Variants in CACNA2D1 observed in about 807,000 individuals in gnomAD.
CACNA2D1 encodes voltage-dependent calcium channel subunit alpha-2/delta-1.
A neutral mutation model predicts 171.5 loss-of-function variants in CACNA2D1; 53 were observed. That is an observed-to-expected ratio of 0.31 (90% CI 0.25 to 0.39). CACNA2D1 has a LOEUF of 0.39. Among genes scored for constraint, CACNA2D1 ranks in the 10% least tolerant of loss-of-function variants. The probability of loss-of-function intolerance (pLI) is 1.00; values close to 1 mark genes in which losing one functional copy is unlikely to be tolerated. For missense variants in CACNA2D1, 903 were observed against 1,299.8 expected (o/e 0.69, Z 4.69); for synonymous variants, 442 against 443.1 (o/e 1.00, Z 0.03).
chr7:82,275,534 T>A (rs1261001057), intron 3 of CACNA2D1, among the ~76,000 whole-genome samples: 1 of 151,976 alleles, frequency 6.6e-6, no homozygotes, highest in African/African-American at 2.4e-5. Context: ...CTGGAAGGGG[T>A]CTTTCTGCAG....
intron 1 of CACNA2D1, among the ~76,000 whole-genome samples, chr7:82,391,919 T>C (rs1825167257): frequency 6.6e-6 from 1 of 152,220 alleles, no homozygotes; most frequent in African/African-American, 2.4e-5. Flanking sequence ...TCCTATTTCA[T>C]TAAATATTCC....
chr7:82,359,642 A>G (rs1820859601), intron 1 of CACNA2D1, among the ~76,000 whole-genome samples: 1 of 148,252 alleles, frequency 6.7e-6, no homozygotes, highest in Admixed American at 7.0e-5. Flanking sequence ...CTTCTGGCCA[A>G]TTCAAGTCCT....
chr7:82,009,935 C>T (rs1231256548), intron 15 of CACNA2D1, among the ~76,000 whole-genome samples: 1 of 152,042 alleles, frequency 6.6e-6, no homozygotes, highest in Non-Finnish European at 1.5e-5. Flanking sequence ...AAAATGAACT[C>T]TCCACAATAT....
At chr7:82,015,894 G>A (rs747657973) in intron 12 of CACNA2D1, among the ~76,000 whole-genome samples, 28 of 152,262 alleles carry the variant, frequency 1.8e-4, no homozygotes, top group Non-Finnish European at 3.4e-4. Flanking sequence ...CATCAGGGAT[G>A]TTGCTATTTC....
intron 19 of CACNA2D1, 100 bp downstream of exon 19, chr7:81,997,079 G>C: frequency 1.3e-6 from 1 of 790,252 alleles, no homozygotes. Context: ...GTATCAAACA[G>C]ACAAGCTAAC....
intron 6 of CACNA2D1, among the ~76,000 whole-genome samples, chr7:82,100,146 TTG>T (rs967961861): frequency 6.6e-6 from 1 of 152,120 alleles, no homozygotes; most frequent in Non-Finnish European, 1.5e-5. Flanking sequence ...ATATAATTTT[TTG>T]TGTGTGTGTG....
chr7:82,342,099 A>G (rs1453710219), intron 2 of CACNA2D1, among the ~76,000 whole-genome samples: 2 of 148,960 alleles, frequency 1.3e-5, no homozygotes, highest in Admixed American at 6.7e-5. Flanking sequence ...GATTCTCTGC[A>G]TCTTCACTCT....
chr7:82,231,296 T>C (rs1336155435), intron 3 of CACNA2D1, among the ~76,000 whole-genome samples: 1 of 152,170 alleles, frequency 6.6e-6, no homozygotes, highest in African/African-American at 2.4e-5. Context: ...AACCCCAAGG[T>C]GGGATGGAGA....
chr7:82,193,673 G>T (rs1267227544), intron 3 of CACNA2D1, among the ~76,000 whole-genome samples: 4 of 151,878 alleles, frequency 2.6e-5, no homozygotes, highest in African/African-American at 9.7e-5. Flanking sequence ...ACAATGTTTC[G>T]CAGGTTTGCT....
intron 7 of CACNA2D1, among the ~76,000 whole-genome samples, chr7:82,077,615 G>A (rs917176844): frequency 1.3e-5 from 2 of 152,104 alleles, no homozygotes; most frequent in Non-Finnish European, 2.9e-5. Flanking sequence ...TCAACTGGTA[G>A]CTAGTAAGAG....
chr7:82,095,535 G>A (rs1380954872), intron 6 of CACNA2D1, among the ~76,000 whole-genome samples: 2 of 152,108 alleles, frequency 1.3e-5, no homozygotes, highest in Non-Finnish European at 2.9e-5. Context: ...CTAGTTTTCA[G>A]GAATGAGGTG....
chr7:82,427,292 C>G (rs6975647), intron 1 of CACNA2D1, among the ~76,000 whole-genome samples: 75,540 of 151,980 alleles, frequency 0.5, 19,084 homozygotes, highest in Admixed American at 0.62. Flanking sequence ...GGAAAATAAA[C>G]TTTTCAGGAG....
chr7:82,274,011 C>A (rs1808987097), intron 3 of CACNA2D1, among the ~76,000 whole-genome samples: 1 of 152,036 alleles, frequency 6.6e-6, no homozygotes, highest in Non-Finnish European at 1.5e-5. Context: ...TCTAGAAGAC[C>A]ATATGTCATT....
chr7:82,111,378 A>G (rs1228494751), intron 6 of CACNA2D1, among the ~76,000 whole-genome samples: 1 of 90,152 alleles, frequency 1.1e-5, no homozygotes, highest in South Asian at 4.4e-4. Context: ...ATATATATTC[A>G]TATATGTGTA....
chr7:82,191,491 CCTAAT>C (rs1228420182), intron 3 of CACNA2D1, among the ~76,000 whole-genome samples: 2 of 151,700 alleles, frequency 1.3e-5, no homozygotes, highest in Admixed American at 1.3e-4. Flanking sequence ...AACCTGAAAA[CCTAAT>C]CACCACCTTA....
chr7:82,323,598 T>C (rs1816270938), intron 3 of CACNA2D1, among the ~76,000 whole-genome samples: 1 of 152,228 alleles, frequency 6.6e-6, no homozygotes, highest in African/African-American at 2.4e-5. Flanking sequence ...TTTGAAATTC[T>C]AATAATTTCT....
chr7:82,298,891 C>T (rs998704397), intron 3 of CACNA2D1, among the ~76,000 whole-genome samples: 1 of 151,844 alleles, frequency 6.6e-6, no homozygotes, highest in Non-Finnish European at 1.5e-5. Flanking sequence ...GGTGAAACCC[C>T]GTCTCTACTA....
At chr7:82,379,720 A>T (rs1823476790) in intron 1 of CACNA2D1, among the ~76,000 whole-genome samples, 2 of 152,176 alleles carry the variant, frequency 1.3e-5, no homozygotes, top group African/African-American at 4.8e-5. Context: ...CTATGGTAAG[A>T]ACTGGAAATA....
chr7:82,120,981 A>T (rs1486297673), intron 5 of CACNA2D1, among the ~76,000 whole-genome samples: 2 of 152,082 alleles, frequency 1.3e-5, no homozygotes, highest in Non-Finnish European at 2.9e-5. Context: ...GAATTTAAGC[A>T]TCCTGTGCTG....
Sources: gnomAD v4.1 joint callset for allele counts (sites outside exome capture counted in the v4.1 genomes callset) on GRCh38, gnomAD v4.1.1 for gene constraint, MANE v1.5 for transcripts, NCBI Gene and HGNC (gene_info 2026-07-23, HGNC 2026-07-21) for gene names.